The following RBMS3 variants were observed in gnomAD, a reference collection of about 807,000 sequenced individuals.
RBMS3 encodes the protein RNA-binding motif, single-stranded-interacting protein 3.
Under a neutral mutation model 66.8 loss-of-function variants are expected in RBMS3, and 27 were observed. The ratio of observed to expected loss-of-function variants is 0.40; its 90% CI spans 0.30 to 0.56. The LOEUF is 0.56. Among genes scored for constraint, RBMS3 ranks in the 20% least tolerant of loss-of-function variants. The pLI is 0.40. For missense variants in RBMS3, 513 were observed against 549.5 expected, an observed-to-expected ratio of 0.93 and a Z score of 0.66; for synonymous variants, 188 against 183.0, an observed-to-expected ratio of 1.03 and a Z score of -0.22.
intron 6 of RBMS3, among the ~76,000 whole-genome samples, chr3:29,779,781 G>A (rs2056563269): frequency 7.0e-6 from 1 of 142,342 alleles, no homozygotes; most frequent in Admixed American, 7.3e-5. Flanking sequence ...CTGATCGAAG[G>A]CACAAAAAGA....
intron 3 of RBMS3, among the ~76,000 whole-genome samples, chr3:29,584,429 T>A (rs1463542670): frequency 6.6e-6 from 1 of 152,156 alleles, no homozygotes; most frequent in Non-Finnish European, 1.5e-5. Context: ...TATATCTTTG[T>A]GCTGTTGTCC....
intron 4 of RBMS3, among the ~76,000 whole-genome samples, chr3:29,609,201 G>C (rs944165286): frequency 2.6e-5 from 4 of 152,010 alleles, no homozygotes; most frequent in Non-Finnish European, 5.9e-5. Context: ...TTCTGTCCCT[G>C]TTTCTTCTGA....
intron 3 of RBMS3, among the ~76,000 whole-genome samples, chr3:29,555,853 A>C (rs891734553): frequency 6.7e-6 from 1 of 149,426 alleles, no homozygotes; most frequent in Non-Finnish European, 1.5e-5. Context: ...AATGCTCCAA[A>C]GAAAACTGCT....
At chr3:29,373,618 G>A (rs2038318395) in intron 1 of RBMS3, among the ~76,000 whole-genome samples, 1 of 152,180 alleles carries the variant, frequency 6.6e-6, no homozygotes, top group Admixed American at 6.5e-5. Context: ...ATTTGTGCTA[G>A]AGACTGGGAA....
chr3:29,948,176 G>C (rs1408138025), intron 12 of RBMS3, among the ~76,000 whole-genome samples: 1 of 151,612 alleles, frequency 6.6e-6, no homozygotes, highest in Non-Finnish European at 1.5e-5. Flanking sequence ...GGTCCAATAA[G>C]AAATTTTTAA....
chr3:29,977,503 G>A (rs565879302), intron 12 of RBMS3, among the ~76,000 whole-genome samples: 21 of 150,832 alleles, frequency 1.4e-4, no homozygotes, highest in South Asian at 6.3e-4. Context: ...GCAAAAACAC[G>A]GTTCTGTTCC....
chr3:29,326,899 T>A (rs2035370510), intron 1 of RBMS3, among the ~76,000 whole-genome samples: 1 of 151,894 alleles, frequency 6.6e-6, no homozygotes, highest in South Asian at 2.1e-4. Flanking sequence ...CCCAGCTAAT[T>A]TTTTGTATTT....
At chr3:29,990,709 C>T (rs551058289) in intron 13 of RBMS3, among the ~76,000 whole-genome samples, 1 of 152,056 alleles carries the variant, frequency 6.6e-6, no homozygotes, top group Non-Finnish European at 1.5e-5. Context: ...AGACATGATA[C>T]AGTGAAATAT....
At chr3:29,830,867 G>C (rs538170108) in intron 6 of RBMS3, among the ~76,000 whole-genome samples, 1 of 152,072 alleles carries the variant, frequency 6.6e-6, no homozygotes, top group African/African-American at 2.4e-5. Context: ...GAAGCACAGG[G>C]TGCTACACTG....
chr3:29,746,331 A>G (rs544443417), intron 5 of RBMS3, among the ~76,000 whole-genome samples: 3 of 152,314 alleles, frequency 2.0e-5, no homozygotes, highest in Admixed American at 6.5e-5. Flanking sequence ...TAAACACATG[A>G]AACCAGGAAA....
At chr3:29,374,752 A>T (rs1429631315) in intron 1 of RBMS3, among the ~76,000 whole-genome samples, 1 of 152,238 alleles carries the variant, frequency 6.6e-6, no homozygotes, top group Non-Finnish European at 1.5e-5. Flanking sequence ...CTTGAGCAGC[A>T]ACTGTATTTG....
chr3:29,904,469 A>G (rs905642141), intron 10 of RBMS3, among the ~76,000 whole-genome samples: 1 of 151,982 alleles, frequency 6.6e-6, no homozygotes, highest in Non-Finnish European at 1.5e-5. Context: ...CTGGATGTCA[A>G]TAAATATGAG....
intron 3 of RBMS3, among the ~76,000 whole-genome samples, chr3:29,573,342 A>G (rs1344440129): frequency 6.6e-6 from 1 of 152,082 alleles, no homozygotes; most frequent in Admixed American, 6.6e-5. Context: ...GCTGGTCTCA[A>G]TCTCCCAACC....
At chr3:29,551,637 G>C (rs1576203193) in intron 3 of RBMS3, among the ~76,000 whole-genome samples, 1 of 152,156 alleles carries the variant, frequency 6.6e-6, no homozygotes, top group Non-Finnish European at 1.5e-5. Flanking sequence ...CATATGTCTT[G>C]TTCTTATTGA....
chr3:29,991,786 C>A (rs1698891911), intron 14 of RBMS3: 1 of 152,280 alleles, frequency 6.6e-6, no homozygotes, highest in South Asian at 2.1e-4. Context: ...TCAGTCTCCT[C>A]ACTCTTAAAG....
At chr3:29,399,753 A>G (rs766453982) in intron 1 of RBMS3, among the ~76,000 whole-genome samples, 3 of 152,170 alleles carry the variant, frequency 2.0e-5, no homozygotes, top group Non-Finnish European at 2.9e-5. Flanking sequence ...CCAATATTCA[A>G]TTATGCCTTG....
chr3:29,525,171 T>A (rs2045044680), intron 3 of RBMS3, among the ~76,000 whole-genome samples: 1 of 152,190 alleles, frequency 6.6e-6, no homozygotes, highest in Non-Finnish European at 1.5e-5. Context: ...TAAATGTAAC[T>A]GGGAAAGAAC....
At chr3:29,862,775 C>T (rs1299565276) in intron 6 of RBMS3, among the ~76,000 whole-genome samples, 4 of 150,876 alleles carry the variant, frequency 2.7e-5, no homozygotes, top group Admixed American at 6.6e-5. Context: ...ACCCAGGAGG[C>T]GCAGGCTGAA....
At chr3:29,945,424 C>T (rs1274270095) in intron 12 of RBMS3, among the ~76,000 whole-genome samples, 1 of 151,582 alleles carries the variant, frequency 6.6e-6, no homozygotes, top group African/African-American at 2.4e-5. Context: ...AGCATTTGGC[C>T]GCGAAGTCAT....
Sources: allele counts gnomAD v4.1 joint callset (sites outside exome capture counted in the v4.1 genomes callset), GRCh38; gene constraint gnomAD v4.1.1; transcripts MANE v1.5; gene names NCBI Gene and HGNC (gene_info 2026-07-23, HGNC 2026-07-21).